The following CERS6 variants were observed in gnomAD, a reference collection of about 807,000 sequenced individuals.
CERS6 encodes the protein LAG1 homolog, ceramide synthase 6.
CERS6 carries 26 observed loss-of-function variants against 56.8 expected under a neutral mutation model. The observed-to-expected ratio is 0.46, with a 90% confidence interval of 0.34 to 0.63. CERS6 has a LOEUF of 0.63. CERS6 is among the 30% of genes least tolerant of loss of function. The pLI is 0.01. For synonymous variants in CERS6, 164 were observed against 173.3 expected (o/e 0.95, Z 0.42); for missense variants, 415 against 467.5 (o/e 0.89, Z 1.04).
At chr2:168,650,583 G>T (rs1005543628) in intron 4 of CERS6, among the ~76,000 whole-genome samples, 2 of 152,074 alleles carry the variant, frequency 1.3e-5, no homozygotes, top group African/African-American at 4.8e-5. Context: ...CGTGCAACTT[G>T]AAGTACTCTC....
chr2:168,501,220 A>G (rs1250713239), intron 1 of CERS6, among the ~76,000 whole-genome samples: 1 of 152,234 alleles, frequency 6.6e-6, no homozygotes, highest in African/African-American at 2.4e-5. Context: ...ATCAATATCC[A>G]TGATTCAGCA....
chr2:168,686,061 C>T (rs1404909062), intron 4 of CERS6, among the ~76,000 whole-genome samples: 3 of 145,444 alleles, frequency 2.1e-5, no homozygotes, highest in African/African-American at 7.7e-5. Context: ...TCAGCTCAGA[C>T]TGCTGTAACA....
intron 4 of CERS6, among the ~76,000 whole-genome samples, chr2:168,654,425 C>T (rs746759177): frequency 2.0e-5 from 3 of 152,058 alleles, no homozygotes; most frequent in Non-Finnish European, 4.4e-5. Flanking sequence ...CACCTGTGAT[C>T]CTAGCTACAC....
chr2:168,724,229 G>A (rs927754697), intron 8 of CERS6, among the ~76,000 whole-genome samples: 33 of 151,448 alleles, frequency 2.2e-4, no homozygotes, highest in Middle Eastern at 3.4e-3. Context: ...AAGACGGTGC[G>A]TCTGGAGTTG....
intron 3 of CERS6, among the ~76,000 whole-genome samples, chr2:168,566,621 A>G (rs1210092173): frequency 1.3e-5 from 2 of 152,206 alleles, no homozygotes; most frequent in Non-Finnish European, 2.9e-5. Flanking sequence ...TATCAGTGCT[A>G]TCTTGTGACC....
chr2:168,577,438 G>A (rs1001620050), intron 3 of CERS6, among the ~76,000 whole-genome samples: 2 of 152,162 alleles, frequency 1.3e-5, no homozygotes, highest in Non-Finnish European at 2.9e-5. Context: ...ATAAAAGAGA[G>A]GTCCAGAAAA....
chr2:168,633,385 T>G (rs1684793336), intron 4 of CERS6, among the ~76,000 whole-genome samples: 1 of 152,138 alleles, frequency 6.6e-6, no homozygotes, highest in African/African-American at 2.4e-5. Context: ...AGCCATCTTG[T>G]CCAACCCTCT....
At chr2:168,513,443 A>G (rs1388630244) in intron 1 of CERS6, among the ~76,000 whole-genome samples, 1 of 152,074 alleles carries the variant, frequency 6.6e-6, no homozygotes, top group African/African-American at 2.4e-5. Context: ...ACGTGTCTCA[A>G]ACTTTTCTTG....
intron 1 of CERS6, among the ~76,000 whole-genome samples, chr2:168,462,127 T>C (rs1056720450): frequency 1.3e-5 from 2 of 152,268 alleles, no homozygotes; most frequent in Non-Finnish European, 2.9e-5. Flanking sequence ...TTCTTCCTCT[T>C]ACCACCAGGT....
chr2:168,586,819 AAT>A (rs1683553091), intron 3 of CERS6, among the ~76,000 whole-genome samples: 1 of 152,204 alleles, frequency 6.6e-6, no homozygotes, highest in Non-Finnish European at 1.5e-5. Context: ...AGATTTAAAT[AAT>A]ATAAAGTGTT....
At chr2:168,657,128 T>C (rs550223520) in intron 4 of CERS6, among the ~76,000 whole-genome samples, 1 of 151,058 alleles carries the variant, frequency 6.6e-6, no homozygotes, top group Admixed American at 6.6e-5. Flanking sequence ...AGCAGCTAGA[T>C]ACCTCACCGA....
In CERS6 at chr2:168,631,009, T is replaced by C; in HGVS notation, c.432T>C (p.Tyr144=). 6.5e-7 allele frequency: 1 copy of C among 1,536,032 alleles called. No individual in the cohort carries two copies. Among genetic ancestry groups the C allele is most frequent in the Non-Finnish European group, 8.9e-7 (1 of 1,126,300 alleles). The part of the protein sequence containing the change: ...ESMWRFSFYL[Y]VFTYGVRFLK... Reference sequence around the variant, plus strand: ...GGTGGAGATTTTCATTTTACCTTTATGTATTTACCTACGGAGTCAGATTCC... The same window carrying C: ...GGTGGAGATTTTCATTTTACCTTTACGTATTTACCTACGGAGTCAGATTCC... The change falls in exon 4 of 10, where the codon TAT becomes TAC. Residue 144 remains tyrosine (Y), a synonymous_variant. Coordinates refer to ENST00000305747, the MANE Select transcript of CERS6 (RefSeq NM_203463.3).
rs71397660 is a variant in CERS6 at position 168,668,444 on chromosome 2, C to CTT, written c.466-22574_466-22573dup. On this transcript the variant is annotated intron_variant, in intron 4 of 9. Coordinates refer to ENST00000305747, the MANE Select transcript of CERS6 (RefSeq NM_203463.3). ...GCTTGCACTCCATTTCCAACTCTAT[C>CTT]TTTTTTTTTTTTTTTTTCTGGAGAC... Among the ~76,000 whole-genome samples, 1,283 of 132,270 alleles carry CTT rather than the reference C, an allele frequency of 9.7e-3. 43 individuals carry two copies. Among genetic ancestry groups the CTT allele is most frequent in the African/African-American group, 0.027 (936 of 35,088 alleles). 86.8% of individuals were successfully genotyped at this position (132,270 alleles called of 152,430 possible).
At chr2:168,730,483 T>C (rs760615031) in intron 8 of CERS6, among the ~76,000 whole-genome samples, 2 of 152,048 alleles carry the variant, frequency 1.3e-5, no homozygotes, top group Non-Finnish European at 2.9e-5. Context: ...AAATGAGAAA[T>C]AGCAGGGGGT....
rs563507877 is a variant in CERS6 at position 168,610,008 on chromosome 2, C to T, written c.408-20977C>T. On this transcript the variant is annotated intron_variant, in intron 3 of 9. Coordinates refer to ENST00000305747, the MANE Select transcript of CERS6 (RefSeq NM_203463.3). ...TTTTTTTTTTTTTGAGATGGCATCT[C>T]GCTATGTTGCCCAGGCTGGAGTGCA... Among the ~76,000 whole-genome samples the T allele has an allele frequency of 1.1e-4, 14 of 126,670 alleles. 1 individual carries two copies. In the South Asian group the frequency reaches 3.1e-3, roughly 28 times the overall value. The allele number at this position is 126,670 out of a possible 152,430, so 83.1% of individuals were successfully genotyped here.
intron 9 of CERS6, among the ~76,000 whole-genome samples, chr2:168,767,266 A>C (rs867499367): frequency 1.3e-5 from 2 of 152,232 alleles, no homozygotes; most frequent in South Asian, 4.1e-4. Context: ...ATTCATCTTG[A>C]CCATGAGTTA....
rs542396028 is a variant in CERS6 at position 168,714,937 on chromosome 2, T to C, written c.610-64T>C. ...TCTCAGTAAATACTGGTTCAGTGGC[T>C]GAATGGCTAAATGGAAATGTGATGT... On this transcript the variant is annotated intron_variant, in intron 6 of 9. Coordinates refer to ENST00000305747, the MANE Select transcript of CERS6 (RefSeq NM_203463.3). The C allele has an allele frequency of 2.9e-5, 44 of 1,515,006 alleles. No individual in the cohort carries two copies. In the African/African-American group the frequency reaches 6.1e-4, roughly 21 times the overall value. 93.8% of individuals were successfully genotyped at this position (1,515,006 alleles called of 1,614,324 possible).
intron 8 of CERS6, among the ~76,000 whole-genome samples, chr2:168,752,972 CA>C (rs1684319499): frequency 6.6e-6 from 1 of 152,134 alleles, no homozygotes; most frequent in South Asian, 2.1e-4. Context: ...TGCATCTATA[CA>C]AATGGGGTAT....
At chr2:168,710,441 A>G (rs145993488) in intron 6 of CERS6, among the ~76,000 whole-genome samples, 1 of 152,242 alleles carries the variant, frequency 6.6e-6, no homozygotes, top group Admixed American at 6.5e-5. Flanking sequence ...TGTATTAAGC[A>G]TAGCAAATAT....
Sources: allele counts gnomAD v4.1 joint callset (sites outside exome capture counted in the v4.1 genomes callset), GRCh38; gene constraint gnomAD v4.1.1; transcripts MANE v1.5; gene names NCBI Gene and HGNC (gene_info 2026-07-23, HGNC 2026-07-21).